The following USP39 variants were observed in gnomAD, a reference collection of about 807,000 sequenced individuals.
The protein encoded by USP39 is ubiquitin specific peptidase 39, also known as ubiquitin carboxyl-terminal hydrolase 39.
USP39 carries 38 observed loss-of-function variants against 66.4 expected under a neutral mutation model. The ratio of observed to expected loss-of-function variants is 0.57; its 90% CI spans 0.44 to 0.75. The LOEUF is 0.75. USP39 is among the 30% of genes least tolerant of loss of function. The pLI, the probability that USP39 is intolerant of heterozygous loss-of-function variation, is 0.00. For missense variants in USP39, 608 were observed against 714.4 expected, an observed-to-expected ratio of 0.85 and a Z score of 1.70; for synonymous variants, 303 against 274.6, an observed-to-expected ratio of 1.10 and a Z score of -1.02.
rs533995202 is a variant in USP39, at chr2:85,637,591, A to T, written c.1095+155A>T. ...GTGGCAGCTCTGCCTGGTCCCTGTC[A>T]TACTAGTGCACTTTTTCAGTTTGGG... On this transcript the variant is annotated intron_variant, in intron 8 of 12. Transcript: ENST00000323701. Among the ~76,000 whole-genome samples the T allele has an allele frequency of 7.2e-5, 11 of 152,312 alleles. No individual in the cohort carries two copies. The East Asian group carries it at 1.9e-3, about 27-fold the overall frequency.
upstream of USP39, among the ~76,000 whole-genome samples, chr2:85,612,809 T>C (rs966969541): frequency 6.6e-6 from 1 of 151,980 alleles, no homozygotes; most frequent in African/African-American, 2.4e-5. Flanking sequence ...TACATGCGCG[T>C]GCCACCACGC....
upstream of USP39, chr2:85,609,610 AAAG>A: frequency 1.2e-6 from 2 of 1,613,542 alleles, no homozygotes; most frequent in Non-Finnish European, 1.7e-6. Flanking sequence ...CCACAGTAAG[AAAG>A]AAGAGGGGGG....
intron 1 of USP39, among the ~76,000 whole-genome samples, chr2:85,604,657 T>G: frequency 6.6e-6 from 1 of 152,266 alleles, no homozygotes; most frequent in East Asian, 1.9e-4. Flanking sequence ...GGCTATGCTT[T>G]GTGCCTCAGG....
At chr2:85,613,706 C>G (rs201215053), upstream of USP39, among the ~76,000 whole-genome samples, 1 of 88,948 alleles carries the variant, frequency 1.1e-5, no homozygotes, top group Admixed American at 1.7e-4. Context: ...ACCGAGAGAT[C>G]AGTTGATTTT....
rs781341813 is a variant in USP39, at chr2:85,636,037, C to T, written c.950-16C>T. ...CCACTTAGCTTCAACGTTTTCCACCCTTCCTTTTTTTCCAGGAGATGGCGT... is the reference window on the plus strand; with the variant it reads ...CCACTTAGCTTCAACGTTTTCCACCTTTCCTTTTTTTCCAGGAGATGGCGT... On this transcript the variant is annotated splice_polypyrimidine_tract_variant and intron_variant, in intron 6 of 12. Transcript: ENST00000323701. The T allele has an allele frequency of 6.3e-7, 1 of 1,585,632 alleles. No homozygotes were observed. The highest frequency in any genetic ancestry group is 8.7e-7 in the Non-Finnish European group (1 of 1,153,328).
chr2:85,609,565 T>C, upstream of USP39: 1 of 1,614,172 alleles, frequency 6.2e-7, no homozygotes, highest in Non-Finnish European at 8.5e-7. Context: ...ATAGTCTGGG[T>C]TGCGTGGGTG....
chr2:85,627,342 G>A (rs1038424933), intron 5 of USP39, among the ~76,000 whole-genome samples: 1 of 152,074 alleles, frequency 6.6e-6, no homozygotes, highest in African/African-American at 2.4e-5. Context: ...TGGTCCACCC[G>A]CCTGAGCTTC....
chr2:85,625,628 C>A lies in USP39; in HGVS notation c.660C>A (p.Tyr220Ter). ...KLSRAYDGTT[Y>*]LPGIVGLNNI... The stretch of plus-strand genomic sequence containing the variant: ...CCCGGGCATATGATGGTACCACTTA[C>A]CTGCCGGGTATTGTGGGACTGAATA... The change falls in exon 5 of 13, where the codon TAC (tyrosine) becomes TAA (stop). Residue 220 changes from tyrosine (Y) to a stop codon, truncating the protein, a stop_gained. Coordinates refer to ENST00000323701, the MANE Select transcript of USP39 (RefSeq NM_006590.4). LOFTEE classifies it high-confidence loss of function. The A allele has an allele frequency of 6.2e-7, 1 of 1,614,074 alleles. No homozygotes were observed. Among genetic ancestry groups the A allele is most frequent in the Non-Finnish European group, 8.5e-7 (1 of 1,179,990 alleles).
At position 85,630,819 on chromosome 2, in the gene USP39, C is replaced by A; in HGVS notation, c.822C>A (p.Val274=). ...CAGGGGATATCATGTTCTTGTTGGTCCAGCGTTTTGGAGAGCTGATGAGAA... is the reference window on the plus strand; with the variant it reads ...CAGGGGATATCATGTTCTTGTTGGTACAGCGTTTTGGAGAGCTGATGAGAA... The part of the protein sequence containing the change: ...RPPGDIMFLL[V]QRFGELMRKL... Residue 274 remains valine, a synonymous_variant, in exon 6 of 13, where the codon GTC becomes GTA. Transcript: ENST00000323701. The A allele has an allele frequency of 6.2e-7, 1 of 1,614,136 alleles. No individual in the cohort carries two copies. The highest frequency in any genetic ancestry group is 8.5e-7 in the Non-Finnish European group (1 of 1,180,030).
chr2:85,623,367 G>C (rs987944987), intron 3 of USP39, among the ~76,000 whole-genome samples: 5 of 149,024 alleles, frequency 3.4e-5, no homozygotes, highest in African/African-American at 1.2e-4. Flanking sequence ...ATATATATAG[G>C]TTATATATAT....
chr2:85,619,265 G>C lies in USP39; in HGVS notation c.314G>C (p.Cys105Ser). The C allele has an allele frequency of 6.2e-7, 1 of 1,613,884 alleles. No individual in the cohort carries two copies. The highest frequency in any genetic ancestry group is 8.5e-7 in the Non-Finnish European group (1 of 1,179,958). Residue 105 changes from cysteine (C) to serine (S), a missense_variant, in exon 2 of 13, where the codon TGC (cysteine) becomes TCC (serine). By Grantham distance (112) the Cys-to-Ser change is moderately radical. This residue lies in a region of USP39 where 115 missense variants were observed against 198.6 expected (regional missense o/e 0.58). Coordinates refer to ENST00000323701, the MANE Select transcript of USP39 (RefSeq NM_006590.4). ...TCTGAGGACCGGAGGAGCCGCCACT[G>C]CCCGTACCTGGACACCATTAACAGG... The part of the protein sequence containing the change: ...VDSEDRRSRH[C>S]PYLDTINRSV...
At chr2:85,616,985 C>A (rs1358309862) in intron 1 of USP39, among the ~76,000 whole-genome samples, 1 of 152,078 alleles carries the variant, frequency 6.6e-6, no homozygotes. Flanking sequence ...CCACCGTGCC[C>A]GGCCAAACGT....
chr2:85,615,943 C>G (rs981276214), upstream of USP39: 1 of 680,662 alleles, frequency 1.5e-6, no homozygotes, highest in African/African-American at 2.0e-5. Flanking sequence ...CAGCTTTTAT[C>G]CAGAAAACTG....
In USP39 at chr2:85,623,073, G is replaced by A. The variant is rs11890172; in HGVS notation, c.434-573G>A. ...GCTGGAGTGTTTATGTTGAGTTCATGGAAGAGCTGAGGTGGGACTTGAATT... is the reference window on the plus strand; with the variant it reads ...GCTGGAGTGTTTATGTTGAGTTCATAGAAGAGCTGAGGTGGGACTTGAATT... On this transcript the variant is annotated intron_variant, in intron 3 of 12. Coordinates refer to ENST00000323701, the MANE Select transcript of USP39 (RefSeq NM_006590.4). Among the ~76,000 whole-genome samples the A allele has an allele frequency of 2.5e-3, 375 of 152,248 alleles. 3 individuals carry two copies. The highest frequency in any genetic ancestry group is 8.6e-3 in the African/African-American group (359 of 41,540).
At chr2:85,643,177 G>C (rs1676373973) in intron 10 of USP39, among the ~76,000 whole-genome samples, 2 of 152,132 alleles carry the variant, frequency 1.3e-5, no homozygotes, top group African/African-American at 4.8e-5. Flanking sequence ...TTTTGGTTCA[G>C]TCATGAAATC....
intron 5 of USP39, 81 bp from the exon 6 acceptor site, chr2:85,630,640 T>C: frequency 7.3e-7 from 1 of 1,367,402 alleles, no homozygotes; most frequent in Non-Finnish European, 1.0e-6. Context: ...CAAATTCTAT[T>C]AGGAGAACTT....
At chr2:85,609,363 G>A (rs1673355418), upstream of USP39, 10 of 1,558,962 alleles carry the variant, frequency 6.4e-6, no homozygotes, top group South Asian at 1.2e-4. Flanking sequence ...AGGAAAACAG[G>A]GCTCAGGGTC....
At chr2:85,605,586 TTAAG>T (rs755690154) in intron 1 of USP39, among the ~76,000 whole-genome samples, 2 of 152,218 alleles carry the variant, frequency 1.3e-5, no homozygotes, top group Non-Finnish European at 2.9e-5. Flanking sequence ...TTAAAATATT[TTAAG>T]TAATTGTCAA....
Position 85,639,235 on chromosome 2 carries a change from T to C in USP39, c.1128T>C (p.Asn376=). 1 of 1,613,332 alleles carries C rather than the reference T, an allele frequency of 6.2e-7. No individual in the cohort carries two copies. The highest frequency in any genetic ancestry group is 8.5e-7 in the Non-Finnish European group (1 of 1,179,734). ...PAEEKEQLLH[N]DEYQETMVES... is the part of the protein sequence containing the mutation. ...AAGAAAAAGAGCAGTTGCTCCATAATGACGAGTACCAGGAGACAATGGTGG... is the reference window on the plus strand; with the variant it reads ...AAGAAAAAGAGCAGTTGCTCCATAACGACGAGTACCAGGAGACAATGGTGG... Residue 376 remains asparagine (N), a synonymous_variant, in exon 9 of 13, where the codon AAT becomes AAC. Coordinates refer to ENST00000323701, the MANE Select transcript of USP39 (RefSeq NM_006590.4).
Sources: allele counts gnomAD v4.1 joint callset (sites outside exome capture counted in the v4.1 genomes callset), GRCh38; gene constraint gnomAD v4.1.1; regional missense constraint gnomAD v4.1.1; transcripts MANE v1.5; gene names NCBI Gene and HGNC (gene_info 2026-07-23, HGNC 2026-07-21).